The following CTDNEP1 variants were observed in gnomAD, a reference collection of about 807,000 sequenced individuals.
CTDNEP1 encodes CTD nuclear envelope phosphatase 1.
Under a neutral mutation model 30.1 loss-of-function variants are expected in CTDNEP1, and 3 were observed. That is an observed-to-expected ratio of 0.10 (90% CI 0.05 to 0.26). The LOEUF is 0.26. Ranked by LOEUF, CTDNEP1 falls within the 10% of genes least tolerant of loss-of-function variation. The pLI is 1.00. For synonymous variants in CTDNEP1, 123 were observed against 118.8 expected (o/e 1.04, Z -0.23); for missense variants, 158 against 310.4 (o/e 0.51, Z 3.69).
chr17:7,244,371 C>A, intron 7 of CTDNEP1, 126 bp from the exon 8 acceptor site: 1 of 1,236,718 alleles, frequency 8.1e-7, no homozygotes, highest in Non-Finnish European at 1.2e-6. Flanking sequence ...TAGATAGGTT[C>A]AATTTGCCCA....
At chr17:7,250,463 C>G (rs2071900514) in intron 1 of CTDNEP1, among the ~76,000 whole-genome samples, 1 of 152,260 alleles carries the variant, frequency 6.6e-6, no homozygotes, top group Admixed American at 6.5e-5. Flanking sequence ...GAGAAGCAAA[C>G]GTCCTCATTT....
chr17:7,244,748 G>T, intron 6 of CTDNEP1, 113 bp from the exon 7 acceptor site: 1 of 797,032 alleles, frequency 1.3e-6, no homozygotes, highest in South Asian at 1.8e-5. Context: ...TCCCACTACC[G>T]GAAGTCAACA....
Position 7,247,201 on chromosome 17 carries a change from GAAT to G in CTDNEP1, c.170-22_170-20del. On this transcript the variant is annotated intron_variant, in intron 2 of 7. Coordinates refer to ENST00000574322, the MANE Select transcript of CTDNEP1 (RefSeq NM_001143775.2). ...ACCTGGGCTGAACCAGAGTGGGGAGGAATAATATTGACCGACCTCTGACCCAGA... is the reference window on the plus strand; with the variant it reads ...ACCTGGGCTGAACCAGAGTGGGGAGGAATATTGACCGACCTCTGACCCAGA... The G allele has an allele frequency of 3.1e-6, 5 of 1,610,420 alleles. No homozygotes were observed. Among genetic ancestry groups the G allele is most frequent in the Non-Finnish European group, 4.2e-6 (5 of 1,176,722 alleles).
At position 7,246,742 on chromosome 17, in the gene CTDNEP1, T is replaced by A. The variant is rs772811778; in HGVS notation, c.360+49A>T. 1 of 1,526,214 alleles carries A rather than the reference T, an allele frequency of 6.6e-7. No homozygotes were observed. The highest frequency in any genetic ancestry group is 1.1e-5 in the South Asian group (1 of 88,834). The allele number at this position is 1,526,214 out of a possible 1,614,324, so 94.5% of individuals were successfully genotyped here. ...CAAATCCTCCCAATTCCCAGAGCCC[T>A]AAAACCATTCCTTCATTACAGAGCT... On this transcript the variant is annotated intron_variant, in intron 4 of 7. Coordinates refer to ENST00000574322, the MANE Select transcript of CTDNEP1 (RefSeq NM_001143775.2). The surrounding 1 kb of genome is among the most constrained non-coding windows in gnomAD (Gnocchi z 4.9).
At position 7,246,480 on chromosome 17, in the gene CTDNEP1, A is replaced by T; in HGVS notation, c.361-110T>A. The T allele has an allele frequency of 1.2e-6, 1 of 819,286 alleles. No individual in the cohort carries two copies. The allele number at this position is 819,286 out of a possible 1,614,324, so 50.8% of individuals were successfully genotyped here. On this transcript the variant is annotated intron_variant, in intron 4 of 7. Coordinates refer to ENST00000574322, the MANE Select transcript of CTDNEP1 (RefSeq NM_001143775.2). This position sits in a 1 kb window ranked among gnomAD's most constrained non-coding sequence, Gnocchi z 4.9. ...ATAGTCCTTCAGGCCTTCCATCAAC[A>T]TCAAATGTCTCTGAGGACACGAAAT... is the stretch of plus-strand genomic sequence containing the variant.
Position 7,244,017 on chromosome 17 carries a change from G to A in CTDNEP1, c.*168C>T. ...GGCTGCTTCAGAGCCCCTGGCCCAT[G>A]TGTCCATCCAGACTCCAAGTGGAGT... On this transcript the variant is annotated 3_prime_UTR_variant, in exon 8 of 8. Transcript: ENST00000574322. The A allele has an allele frequency of 7.1e-7, 1 of 1,412,830 alleles. No homozygotes were observed. Among genetic ancestry groups the A allele is most frequent in the Non-Finnish European group, 9.2e-7 (1 of 1,082,352 alleles). 87.5% of individuals were successfully genotyped at this position (1,412,830 alleles called of 1,614,324 possible).
chr17:7,250,420 G>A (rs1163332148), intron 1 of CTDNEP1, among the ~76,000 whole-genome samples: 5 of 152,086 alleles, frequency 3.3e-5, no homozygotes, highest in Non-Finnish European at 7.4e-5. Flanking sequence ...GGGTCCATCC[G>A]GACAGTTTCC....
intron 6 of CTDNEP1, among the ~76,000 whole-genome samples, chr17:7,245,226 A>C (rs1169885459): frequency 6.6e-6 from 1 of 152,026 alleles, no homozygotes; most frequent in Non-Finnish European, 1.5e-5. Flanking sequence ...TGGAAGTCGG[A>C]GGTTGCAGTA....
At chr17:7,249,085 A>C (rs1164051814) in intron 1 of CTDNEP1, among the ~76,000 whole-genome samples, 2 of 152,170 alleles carry the variant, frequency 1.3e-5, no homozygotes, top group African/African-American at 4.8e-5. Flanking sequence ...CAGGGCCGTT[A>C]AGTGAGAGGT....
At chr17:7,244,330 G>A in intron 7 of CTDNEP1, 85 bp from the exon 8 acceptor site, 1 of 1,440,326 alleles carries the variant, frequency 6.9e-7, no homozygotes, top group Non-Finnish European at 9.7e-7. Flanking sequence ...CACTGGAGAT[G>A]TGGGACCTAA....
Position 7,243,858 on chromosome 17 carries a change from G to T in CTDNEP1, c.*327C>A. ...CAAAGCTGACTTGGCTTCTCTTTGA[G>T]CCTCCTGGATCACCGTATGTCTGTC... On this transcript the variant is annotated 3_prime_UTR_variant, in exon 8 of 8. Coordinates refer to ENST00000574322, the MANE Select transcript of CTDNEP1 (RefSeq NM_001143775.2). 1.1e-6 allele frequency: 1 copy of T among 933,592 alleles called. No homozygotes were observed. The highest frequency in any genetic ancestry group is 1.4e-6 in the Non-Finnish European group (1 of 739,186). The allele number at this position is 933,592 out of a possible 1,614,324, so 57.8% of individuals were successfully genotyped here.
At chr17:7,248,139 T>A (rs956457532) in intron 1 of CTDNEP1, among the ~76,000 whole-genome samples, 2 of 150,320 alleles carry the variant, frequency 1.3e-5, no homozygotes, top group African/African-American at 4.9e-5. Flanking sequence ...TGCGTGCCCA[T>A]AGCCCCAGCT....
At chr17:7,250,840 G>A (rs1320553107) in intron 1 of CTDNEP1, among the ~76,000 whole-genome samples, 1 of 151,928 alleles carries the variant, frequency 6.6e-6, no homozygotes, top group Non-Finnish European at 1.5e-5. Flanking sequence ...TCTTTCCCAA[G>A]CCCACATCCA....
intron 1 of CTDNEP1, among the ~76,000 whole-genome samples, chr17:7,249,449 G>A (rs192623940): frequency 2.0e-5 from 3 of 152,304 alleles, no homozygotes; most frequent in East Asian, 3.9e-4. Flanking sequence ...AGCGGGGTGG[G>A]GAAAGAAACC....
chr17:7,245,068 G>A (rs140730656), intron 6 of CTDNEP1, among the ~76,000 whole-genome samples: 152 of 152,246 alleles, frequency 1.0e-3, no homozygotes, highest in African/African-American at 3.5e-3. Flanking sequence ...CAAAGCGGAC[G>A]AATCACGAGG....
intron 3 of CTDNEP1, 22 bp downstream of exon 3, chr17:7,247,042 A>T (rs906033363): frequency 6.4e-7 from 1 of 1,568,562 alleles, no homozygotes; most frequent in African/African-American, 1.4e-5. Context: ...GAACCATTTC[A>T]TCACTCCCCA....
Position 7,246,206 on chromosome 17 carries a change from G to A in CTDNEP1, c.477+48C>T, listed in dbSNP as rs759894694. The A allele has an allele frequency of 7.6e-6, 12 of 1,572,544 alleles. No homozygotes were observed. The highest frequency in any genetic ancestry group is 1.1e-5 in the South Asian group (1 of 90,202). ...TCTCCTCAAACCCAGATCCCTCCCTGGTGGCCTCCCTCCCAAGCCACACTC... is the reference window on the plus strand; with the variant it reads ...TCTCCTCAAACCCAGATCCCTCCCTAGTGGCCTCCCTCCCAAGCCACACTC... On this transcript the variant is annotated intron_variant, in intron 5 of 7. Coordinates refer to ENST00000574322, the MANE Select transcript of CTDNEP1 (RefSeq NM_001143775.2). This position sits in a 1 kb window ranked among gnomAD's most constrained non-coding sequence, Gnocchi z 4.9.
rs942614215 is a variant in CTDNEP1, at chr17:7,243,902, T to C, written c.*283A>G. 4.7e-6 allele frequency: 6 copies of C among 1,280,126 alleles called. No homozygotes were observed. The highest frequency in any genetic ancestry group is 6.0e-6 in the Non-Finnish European group (6 of 1,002,436). 79.3% of individuals were successfully genotyped at this position (1,280,126 alleles called of 1,614,324 possible). A position where few individuals can be genotyped will look rare whatever the true frequency, so the allele number is the denominator to read the frequency against. On this transcript the variant is annotated 3_prime_UTR_variant, in exon 8 of 8. Coordinates refer to ENST00000574322, the MANE Select transcript of CTDNEP1 (RefSeq NM_001143775.2). ...GTCTGTCACTCTGGCCAGTCCTGCC[T>C]CTTCACAAACACTGATTCGGCTCTC...
Position 7,251,314 on chromosome 17 carries a change from C to CT in CTDNEP1, c.-19_-18insA. ...CGCATCATCCCGATGACCCCGGCACCGCCGGCCCCGGGGCCCCCGCGGCCC... is the reference window on the plus strand; with the variant it reads ...CGCATCATCCCGATGACCCCGGCACCTGCCGGCCCCGGGGCCCCCGCGGCCC... On this transcript the variant is annotated 5_prime_UTR_variant, in exon 1 of 8. Transcript: ENST00000574322. 6.7e-7 allele frequency: 1 copy of CT among 1,502,002 alleles called. No homozygotes were observed. The highest frequency in any genetic ancestry group is 8.9e-7 in the Non-Finnish European group (1 of 1,124,486). 93.0% of individuals were successfully genotyped at this position (1,502,002 alleles called of 1,614,324 possible). A position where few individuals can be genotyped will look rare whatever the true frequency, so the allele number is the denominator to read the frequency against.
Sources: gnomAD v4.1 joint callset for allele counts (sites outside exome capture counted in the v4.1 genomes callset) on GRCh38, gnomAD v4.1.1 for gene constraint, Gnocchi (gnomAD v3.1) non-coding constraint, MANE v1.5 for transcripts, NCBI Gene and HGNC (gene_info 2026-07-23, HGNC 2026-07-21) for gene names.